OSBPL10: variants seen among roughly 807,000 people sequenced by gnomAD.
The protein encoded by OSBPL10 is oxysterol-binding protein-related protein 10.
A neutral mutation model predicts 81.7 loss-of-function variants in OSBPL10; 49 were observed. The observed-to-expected ratio is 0.60, with a 90% CI of 0.48 to 0.76. The LOEUF (loss-of-function observed/expected upper bound fraction) is 0.76, where lower values mean the gene tolerates loss of function less well. Ranked by LOEUF, OSBPL10 falls within the 30% of genes least tolerant of loss-of-function variation. The pLI is 0.00. For synonymous variants in OSBPL10, 419 were observed against 383.6 expected, an observed-to-expected ratio of 1.09 and a Z score of -1.08; for missense variants, 923 against 987.8, an observed-to-expected ratio of 0.93 and a Z score of 0.88.
Position 31,879,637 on chromosome 3 carries a change from A to G in OSBPL10, c.457+18T>C. ...CAACTAGAGGCCTGTCTGAAAAGTT[A>G]CTGGGAGAAGAACGCACCTCTCAGT... On this transcript the variant is annotated intron_variant, in intron 2 of 11. Coordinates refer to ENST00000396556, the MANE Select transcript of OSBPL10 (RefSeq NM_017784.5). 7 of 1,595,374 alleles carry G rather than the reference A, an allele frequency of 4.4e-6. No homozygotes were observed. Among genetic ancestry groups the G allele is most frequent in the Non-Finnish European group, 6.0e-6 (7 of 1,173,206 alleles).
intron 3 of OSBPL10, among the ~76,000 whole-genome samples, chr3:31,868,672 G>GT (rs1487120717): frequency 1.3e-5 from 2 of 151,840 alleles, no homozygotes; most frequent in Non-Finnish European, 2.9e-5. Context: ...TGAAAATATT[G>GT]TAAGTTTCCA....
chr3:31,957,605 G>A (rs1559531838), intron 1 of OSBPL10, among the ~76,000 whole-genome samples: 1 of 152,024 alleles, frequency 6.6e-6, no homozygotes, highest in South Asian at 2.1e-4. Flanking sequence ...AGATTCCTGG[G>A]GTTTTTTGTT....
intron 1 of OSBPL10, among the ~76,000 whole-genome samples, chr3:31,965,662 ATATATTT>A (rs1392541529): frequency 6.2e-5 from 2 of 32,114 alleles, no homozygotes; most frequent in African/African-American, 1.0e-4. Flanking sequence ...ATTATATATT[ATATATTT>A]TATATAATAT....
chr3:31,723,572 C>CACACACA lies in OSBPL10; in HGVS notation c.1095+9684_1095+9685insTGTGTGT, dbSNP rs753039730. Among the ~76,000 whole-genome samples the CACACACA allele has an allele frequency of 8.3e-3, 1,214 of 146,726 alleles. 26 individuals are homozygous for CACACACA. The highest frequency in any genetic ancestry group is 0.031 in the African/African-American group (1,161 of 37,576). ...CACACACACACACACACACACACAC[C>CACACACA]CCTTTCCCTCTAGTTGCTCACATCC... On this transcript the variant is annotated intron_variant, in intron 6 of 11. Coordinates refer to ENST00000396556, the MANE Select transcript of OSBPL10 (RefSeq NM_017784.5).
At chr3:31,944,854 A>T (rs1396023534) in intron 1 of OSBPL10, among the ~76,000 whole-genome samples, 2 of 128,132 alleles carry the variant, frequency 1.6e-5, no homozygotes, top group African/African-American at 6.6e-5. Context: ...AAAAAAAAAA[A>T]AAAAAAAAAA....
intron 5 of OSBPL10, among the ~76,000 whole-genome samples, chr3:31,747,296 C>T (rs1006268061): frequency 6.6e-6 from 1 of 150,972 alleles, no homozygotes; most frequent in Non-Finnish European, 1.5e-5. Context: ...CCAGCCTGGG[C>T]AACAGAATGA....
intron 4 of OSBPL10, among the ~76,000 whole-genome samples, chr3:31,792,486 T>C (rs566312087): frequency 1.2e-4 from 19 of 152,268 alleles, no homozygotes; most frequent in African/African-American, 4.6e-4. Flanking sequence ...GGCTCCTAGT[T>C]ACCTAAAAAT....
chr3:31,840,735 T>G (rs746615864), intron 3 of OSBPL10, among the ~76,000 whole-genome samples: 9 of 152,214 alleles, frequency 5.9e-5, no homozygotes, highest in South Asian at 2.1e-4. Context: ...ATATTTGGCT[T>G]CTTCTTTTCT....
intron 2 of OSBPL10, chr3:31,990,759 T>C (rs1559544738): frequency 1.2e-6 from 2 of 1,613,768 alleles, no homozygotes; most frequent in Admixed American, 3.3e-5. Flanking sequence ...AGAGAATTCA[T>C]ACTGGAGAGA....
intron 5 of OSBPL10, among the ~76,000 whole-genome samples, chr3:31,742,764 C>A (rs1192116124): frequency 6.6e-6 from 1 of 152,192 alleles, no homozygotes; most frequent in Non-Finnish European, 1.5e-5. Flanking sequence ...CCTCGAATCA[C>A]TTTCTAGGCC....
At chr3:31,714,853 G>C (rs1575495012) in intron 6 of OSBPL10, 1 of 152,882 alleles carries the variant, frequency 6.5e-6, no homozygotes, top group Non-Finnish European at 1.5e-5. Flanking sequence ...TTCTGCTCCA[G>C]ACGCCTCCTC....
chr3:31,983,814 A>C (rs1175599506), upstream of OSBPL10, among the ~76,000 whole-genome samples: 1 of 152,206 alleles, frequency 6.6e-6, no homozygotes, highest in African/African-American at 2.4e-5. Flanking sequence ...TGTTTGAAAA[A>C]CAATTTGGAA....
chr3:31,870,107 A>G (rs983553313), intron 3 of OSBPL10, among the ~76,000 whole-genome samples: 1 of 152,190 alleles, frequency 6.6e-6, no homozygotes, highest in African/African-American at 2.4e-5. Context: ...CTCAGCTTGC[A>G]GGGAGGTGTG....
At chr3:32,074,698 A>T (rs1699859950) in intron 1 of OSBPL10, among the ~76,000 whole-genome samples, 1 of 152,150 alleles carries the variant, frequency 6.6e-6, no homozygotes, top group South Asian at 2.1e-4. Flanking sequence ...TTTCTCATAT[A>T]CCATGAAAAC....
intron 2 of OSBPL10, 58 bp downstream of exon 2, chr3:31,879,597 G>A (rs1442822362): frequency 3.3e-6 from 5 of 1,515,482 alleles, no homozygotes; most frequent in South Asian, 2.5e-5. Context: ...AAAAACAAGA[G>A]AGCCATCACC....
At chr3:31,666,572 C>T (rs377025219) in intron 10 of OSBPL10, among the ~76,000 whole-genome samples, 11 of 152,164 alleles carry the variant, frequency 7.2e-5, no homozygotes, top group African/African-American at 2.4e-4. Context: ...TCCTCAAGGC[C>T]GTTTCCTCTG....
intron 1 of OSBPL10, among the ~76,000 whole-genome samples, chr3:32,071,608 C>T (rs1171453955): frequency 1.3e-5 from 2 of 152,222 alleles, no homozygotes; most frequent in African/African-American, 2.4e-5. Flanking sequence ...GCGGCGGCTG[C>T]CACCACCCTA....
intron 4 of OSBPL10, among the ~76,000 whole-genome samples, chr3:31,751,165 C>G (rs1301425131): frequency 1.3e-5 from 2 of 151,752 alleles, no homozygotes; most frequent in South Asian, 4.2e-4. Flanking sequence ...CAAAAACAAA[C>G]AAACAACAAC....
rs148196243 is a variant in OSBPL10, at chr3:32,045,417, C to T, written n.298+1074G>A. On this transcript the variant is annotated intron_variant and non_coding_transcript_variant, in intron 2 of 3. Transcript: ENST00000479173. ...AATAATAGAGTATATGCTAACAGAT[C>T]AGTTTACAAAAAGACAGCCAAGACT... Among the ~76,000 whole-genome samples the T allele has an allele frequency of 1.2e-3, 182 of 152,278 alleles. 2 individuals are homozygous for T. The highest frequency in any genetic ancestry group is 4.6e-3 in the South Asian group (22 of 4,826).
Sources: allele counts gnomAD v4.1 joint callset (sites outside exome capture counted in the v4.1 genomes callset), GRCh38; gene constraint gnomAD v4.1.1; transcripts MANE v1.5; gene names NCBI Gene and HGNC (gene_info 2026-07-23, HGNC 2026-07-21).